Variants in SH3PXD2B observed in about 807,000 individuals in gnomAD.
SH3PXD2B encodes the protein SH3 and PX domains 2B, also known as SH3 and PX domain-containing protein 2B.
Under a neutral mutation model 73.1 loss-of-function variants are expected in SH3PXD2B, and 37 were observed. The observed-to-expected ratio is 0.51, with a 90% CI of 0.39 to 0.67. The LOEUF is 0.67. Among genes scored for constraint, SH3PXD2B ranks in the 30% least tolerant of loss-of-function variants. The probability of loss-of-function intolerance (pLI) is 0.00; values close to 1 mark genes in which losing one functional copy is unlikely to be tolerated. For synonymous variants in SH3PXD2B, 457 were observed against 480.5 expected (o/e 0.95, Z 0.64); for missense variants, 1,053 against 1,197.8 (o/e 0.88, Z 1.78).
At chr5:172,396,219 A>T (rs1758293119) in intron 3 of SH3PXD2B, among the ~76,000 whole-genome samples, 1 of 150,900 alleles carries the variant, frequency 6.6e-6, no homozygotes, top group South Asian at 2.1e-4. Context: ...AAAAAAAAAA[A>T]AAAAATCAGC....
chr5:172,337,264 C>A lies in SH3PXD2B; in HGVS notation c.*1105G>T. On this transcript the variant is annotated 3_prime_UTR_variant, in exon 13 of 13. Transcript: ENST00000311601. The stretch of plus-strand genomic sequence containing the variant: ...CCTCACCCCCCTCACAATGAAGCCA[C>A]TTGGCCACCACTTAGCCAGCTTCTA... The A allele has an allele frequency of 1.0e-6, 1 of 985,828 alleles. No homozygotes were observed. Among genetic ancestry groups the A allele is most frequent in the Non-Finnish European group, 1.2e-6 (1 of 830,234 alleles). The allele number at this position is 985,828 out of a possible 1,614,324, so 61.1% of individuals were successfully genotyped here. A position where few individuals can be genotyped will look rare whatever the true frequency, so the allele number is the denominator to read the frequency against.
At chr5:172,368,652 A>C (rs182011684) in intron 6 of SH3PXD2B, among the ~76,000 whole-genome samples, 381 of 11,500 alleles carry the variant, frequency 0.033, 13 homozygotes, top group South Asian at 0.056. Flanking sequence ...ATATATATAA[A>C]ATATATATAT....
rs779290254 is a variant in SH3PXD2B at position 172,339,735 on chromosome 5, T to C, written c.1370A>G (p.Asn457Ser). 1 of 1,613,954 alleles carries C rather than the reference T, an allele frequency of 6.2e-7. No homozygotes were observed. ...LRLGEAAALE[N>S]NTGSEATGPS... is the part of the protein sequence containing the mutation. Reference sequence around the variant, plus strand: ...GCCCGTGGCTTCGCTGCCCGTGTTGTTCTCCAGCGCTGCTGCTTCCCCCAG... The same window carrying C: ...GCCCGTGGCTTCGCTGCCCGTGTTGCTCTCCAGCGCTGCTGCTTCCCCCAG... The change falls in exon 13 of 13, where the codon AAC becomes AGC. Residue 457 changes from asparagine (N) to serine (S), a missense_variant. Around this residue, in one of 2 missense-constraint regions of SH3PXD2B, gnomAD observed 466 missense variants for 607.1 expected, o/e 0.77. Transcript: ENST00000311601. The surrounding 1 kb of genome is among the most constrained non-coding windows in gnomAD (Gnocchi z 6.1).
At chr5:172,412,273 T>C (rs1758718730) in intron 2 of SH3PXD2B, among the ~76,000 whole-genome samples, 1 of 152,256 alleles carries the variant, frequency 6.6e-6, no homozygotes, top group South Asian at 2.1e-4. Context: ...TCTGCCATCA[T>C]GGAGGTGTTC....
Position 172,333,822 on chromosome 5 carries a change from A to G in SH3PXD2B, c.*4547T>C. The G allele has an allele frequency of 7.8e-7, 1 of 1,288,532 alleles. No homozygotes were observed. The highest frequency in any genetic ancestry group is 1.0e-6 in the Non-Finnish European group (1 of 988,574). The allele number at this position is 1,288,532 out of a possible 1,614,324, so 79.8% of individuals were successfully genotyped here. A position where few individuals can be genotyped will look rare whatever the true frequency, so the allele number is the denominator to read the frequency against. ...ACTTGGAAGCTCCCCAAAGCAGGAA[A>G]TGTGGGTTGTAATCAAGGTGGCCAC... On this transcript the variant is annotated 3_prime_UTR_variant, in exon 13 of 13. Coordinates refer to ENST00000311601, the MANE Select transcript of SH3PXD2B (RefSeq NM_001017995.3).
intron 8 of SH3PXD2B, among the ~76,000 whole-genome samples, chr5:172,356,010 A>G (rs1757263849): frequency 6.6e-6 from 1 of 152,054 alleles, no homozygotes; most frequent in Admixed American, 6.6e-5. Context: ...CTTTGTCCCC[A>G]TGGCTTAGGT....
At chr5:172,381,754 G>C (rs1240145182) in intron 5 of SH3PXD2B, among the ~76,000 whole-genome samples, 1 of 152,166 alleles carries the variant, frequency 6.6e-6, no homozygotes, top group Non-Finnish European at 1.5e-5. Flanking sequence ...CCTGCCTCAC[G>C]GGCTCAGCCT....
downstream of SH3PXD2B, among the ~76,000 whole-genome samples, chr5:172,332,254 TC>T (rs1554133532): frequency 6.7e-5 from 5 of 74,284 alleles, no homozygotes; most frequent in South Asian, 9.3e-4. Context: ...ACTTTTTCCT[TC>T]CTTTTTTTTT....
intron 9 of SH3PXD2B, among the ~76,000 whole-genome samples, chr5:172,352,575 C>T (rs1181736576): frequency 6.6e-6 from 1 of 152,184 alleles, no homozygotes; most frequent in African/African-American, 2.4e-5. Context: ...GACATCTTGA[C>T]TTGAATTGTA....
At chr5:172,441,786 G>A (rs935246133) in intron 1 of SH3PXD2B, among the ~76,000 whole-genome samples, 1 of 152,104 alleles carries the variant, frequency 6.6e-6, no homozygotes. Context: ...GGAATGTAAA[G>A]GGAGTATGCT....
At chr5:172,391,507 G>A (rs1482752103) in intron 4 of SH3PXD2B, among the ~76,000 whole-genome samples, 1 of 152,140 alleles carries the variant, frequency 6.6e-6, no homozygotes, top group Non-Finnish European at 1.5e-5. Context: ...CTGTTGCCCA[G>A]GCTGGAGTGC....
intron 3 of SH3PXD2B, among the ~76,000 whole-genome samples, chr5:172,398,169 T>G (rs1758347886): frequency 6.6e-6 from 1 of 152,258 alleles, no homozygotes; most frequent in African/African-American, 2.4e-5. Flanking sequence ...ATTTAAGGGC[T>G]ATTAACACTG....
chr5:172,383,310 G>T (rs1165500067), intron 4 of SH3PXD2B, among the ~76,000 whole-genome samples: 5 of 152,186 alleles, frequency 3.3e-5, no homozygotes, highest in Admixed American at 3.3e-4. Context: ...CTCACTGGCT[G>T]TGTAGCCCTC....
At position 172,333,969 on chromosome 5, in the gene SH3PXD2B, G is replaced by T. The variant is rs1374708176; in HGVS notation, c.*4400C>A. On this transcript the variant is annotated 3_prime_UTR_variant, in exon 13 of 13. Transcript: ENST00000311601. ...CATCGTTGCATTAGAATTGCTTATT[G>T]CTGATGTAAGCCTGGTGGGGGCACC... is the stretch of plus-strand genomic sequence containing the variant. 8.2e-7 allele frequency: 1 copy of T among 1,217,002 alleles called. No homozygotes were observed. Among genetic ancestry groups the T allele is most frequent in the Non-Finnish European group, 1.0e-6 (1 of 960,454 alleles). 75.4% of individuals were successfully genotyped at this position (1,217,002 alleles called of 1,614,324 possible).
intron 1 of SH3PXD2B, among the ~76,000 whole-genome samples, chr5:172,433,533 T>C (rs1217404591): frequency 6.6e-6 from 1 of 152,186 alleles, no homozygotes; most frequent in Non-Finnish European, 1.5e-5. Flanking sequence ...TTTCTTGTCT[T>C]GAACCCCAGG....
intron 1 of SH3PXD2B, among the ~76,000 whole-genome samples, chr5:172,429,962 AG>A (rs1221925413): frequency 1.6e-4 from 25 of 152,296 alleles, no homozygotes; most frequent in African/African-American, 5.5e-4. Context: ...GTGGAGTTCT[AG>A]GGTCACAATG....
chr5:172,352,809 G>C (rs1266278909), intron 9 of SH3PXD2B, among the ~76,000 whole-genome samples: 2 of 152,198 alleles, frequency 1.3e-5, no homozygotes, highest in Non-Finnish European at 2.9e-5. Context: ...CCCCAGCCAT[G>C]TGGAACTGTA....
In SH3PXD2B at chr5:172,353,858, C is replaced by T. The variant is rs1476549099; in HGVS notation, c.785+30G>A. On this transcript the variant is annotated intron_variant, in intron 9 of 12. Transcript: ENST00000311601. The surrounding 1 kb of genome is among the most constrained non-coding windows in gnomAD (Gnocchi z 4.3). ...CCACCCAGCGTGACCCCAAACCCAC[C>T]CAGCAACCGTGGGGGGCAGCGGCTG... is the stretch of plus-strand genomic sequence containing the variant. The T allele has an allele frequency of 1.3e-6, 2 of 1,596,164 alleles. No individual in the cohort carries two copies. The highest frequency in any genetic ancestry group is 2.2e-5 in the East Asian group (1 of 44,782).
At chr5:172,348,572 T>C (rs1412364466) in intron 10 of SH3PXD2B, among the ~76,000 whole-genome samples, 1 of 151,230 alleles carries the variant, frequency 6.6e-6, no homozygotes, top group Non-Finnish European at 1.5e-5. Context: ...TGTATATGTG[T>C]ATATTCAGTG....
Sources: allele counts gnomAD v4.1 joint callset (sites outside exome capture counted in the v4.1 genomes callset), GRCh38; gene constraint gnomAD v4.1.1; regional missense constraint gnomAD v4.1.1; non-coding constraint Gnocchi (gnomAD v3.1); transcripts MANE v1.5; gene names NCBI Gene and HGNC (gene_info 2026-07-23, HGNC 2026-07-21).